Variants in IDE observed in about 807,000 individuals in gnomAD.
The protein encoded by IDE is insulin degrading enzyme, also known as insulin-degrading enzyme.
A neutral mutation model predicts 133.2 loss-of-function variants in IDE; 58 were observed. That is an observed-to-expected ratio of 0.44 (90% CI 0.35 to 0.54). IDE has a LOEUF of 0.54. Ranked by LOEUF, IDE falls within the 20% of genes least tolerant of loss-of-function variation. The pLI is 0.00. For missense variants in IDE, 981 were observed against 1,234.0 expected (o/e 0.79, Z 3.07); for synonymous variants, 396 against 421.3 (o/e 0.94, Z 0.73).
At chr10:92,572,461 C>T (rs1179244989) in intron 1 of IDE, among the ~76,000 whole-genome samples, 1 of 152,156 alleles carries the variant, frequency 6.6e-6, no homozygotes, top group East Asian at 1.9e-4. Flanking sequence ...TGCTACCATC[C>T]TAATACAGGC....
At chr10:92,571,297 G>A (rs754747373) in intron 1 of IDE, among the ~76,000 whole-genome samples, 1 of 152,190 alleles carries the variant, frequency 6.6e-6, no homozygotes, top group Non-Finnish European at 1.5e-5. Context: ...TTACAGGCAT[G>A]AGCCACCCCA....
At chr10:92,564,706 A>AAAAAAAAAAC (rs1843443390) in intron 1 of IDE, among the ~76,000 whole-genome samples, 1 of 129,492 alleles carries the variant, frequency 7.7e-6, no homozygotes, top group Non-Finnish European at 1.7e-5. Flanking sequence ...AAAAAAAAAA[A>AAAAAAAAAAC]AAAACTGAAA....
At chr10:92,535,095 T>C (rs1841928115) in intron 2 of IDE, among the ~76,000 whole-genome samples, 1 of 152,106 alleles carries the variant, frequency 6.6e-6, no homozygotes, top group African/African-American at 2.4e-5. Context: ...TAAAATTTTC[T>C]TTTTATTTAT....
chr10:92,473,226 G>A (rs185032166), intron 17 of IDE, among the ~76,000 whole-genome samples: 125 of 151,974 alleles, frequency 8.2e-4, no homozygotes, highest in Admixed American at 1.6e-3. Flanking sequence ...CACGGCACCC[G>A]GCCCAAAATT....
chr10:92,562,752 A>C (rs1254160085), intron 1 of IDE, among the ~76,000 whole-genome samples: 1 of 152,248 alleles, frequency 6.6e-6, no homozygotes, highest in African/African-American at 2.4e-5. Flanking sequence ...TCACCAACTC[A>C]AGAAAGAAAA....
intron 11 of IDE, among the ~76,000 whole-genome samples, chr10:92,491,674 G>A (rs1383874000): frequency 1.1e-4 from 16 of 150,454 alleles, no homozygotes; most frequent in African/African-American, 3.7e-4. Context: ...GCAATGGTGC[G>A]ATCTTGGCTC....
intron 1 of IDE, among the ~76,000 whole-genome samples, chr10:92,561,710 GGA>G (rs1387185717): frequency 6.6e-6 from 1 of 151,332 alleles, no homozygotes; most frequent in African/African-American, 2.4e-5. Flanking sequence ...TGCAGTGAGC[GGA>G]GATCGCGCCA....
rs755813715 is a variant in IDE at position 92,470,329 on chromosome 10, G to A, written c.2133C>T (p.Arg711=). The A allele has an allele frequency of 1.2e-6, 2 of 1,603,422 alleles. No individual in the cohort carries two copies. Among genetic ancestry groups the A allele is most frequent in the South Asian group, 1.1e-5 (1 of 89,226 alleles). The change falls in exon 18 of 25, where the codon CGC becomes CGT. Residue 711 remains arginine (R), a synonymous_variant. Coordinates refer to ENST00000265986, the MANE Select transcript of IDE (RefSeq NM_004969.4). ...GGAGCTGAGGTATGAAGGCCTTAAG[G>A]CGAGGAAGGGTTACATCTGCAAAGG... ...KEALDDVTLP[R]LKAFIPQLLS...
At chr10:92,470,475 C>G (rs1589377367) in intron 17 of IDE, 130 bp from the exon 18 acceptor site, 1 of 465,904 alleles carries the variant, frequency 2.1e-6, no homozygotes, top group Non-Finnish European at 3.9e-6. Flanking sequence ...CTAGTTTTCC[C>G]TAATGTTAAC....
intron 1 of IDE, among the ~76,000 whole-genome samples, chr10:92,550,805 G>A (rs957994621): frequency 2.0e-5 from 3 of 152,200 alleles, no homozygotes; most frequent in Non-Finnish European, 4.4e-5. Flanking sequence ...GGAAGGCAGA[G>A]CTTGCAGTGA....
chr10:92,474,980 G>A lies in IDE; in HGVS notation c.1996-19C>T, dbSNP rs56035419. 5.2e-3 allele frequency: 8,157 copies of A among 1,574,068 alleles called. 361 individuals are homozygous for A. In the African/African-American group the frequency reaches 0.092, roughly 18 times the overall value. On this transcript the variant is annotated intron_variant, in intron 16 of 24. Transcript: ENST00000265986. The stretch of plus-strand genomic sequence containing the variant: ...GCATATACTAGTGAAAGAGACATGC[G>A]TTCATTAATTTTATAAATCTTTTAA...
At chr10:92,545,931 G>T (rs1039580464) in intron 1 of IDE, among the ~76,000 whole-genome samples, 8 of 152,068 alleles carry the variant, frequency 5.3e-5, no homozygotes, top group Non-Finnish European at 1.0e-4. Flanking sequence ...GCTAGTAACA[G>T]ATAAATAACC....
At chr10:92,481,418 A>C (rs754877965) in intron 14 of IDE, among the ~76,000 whole-genome samples, 1 of 152,046 alleles carries the variant, frequency 6.6e-6, no homozygotes, top group Non-Finnish European at 1.5e-5. Flanking sequence ...ACAGAGGAAG[A>C]CTCTGTCTCC....
chr10:92,541,673 A>T (rs557028145), intron 1 of IDE, among the ~76,000 whole-genome samples: 1 of 152,338 alleles, frequency 6.6e-6, no homozygotes, highest in East Asian at 1.9e-4. Flanking sequence ...ATATTTAGTA[A>T]TTACAACATA....
chr10:92,495,327 T>C (rs2135483812), intron 11 of IDE, among the ~76,000 whole-genome samples: 1 of 151,816 alleles, frequency 6.6e-6, no homozygotes, highest in Non-Finnish European at 1.5e-5. Flanking sequence ...TTCAAGCGAT[T>C]CTCCTGCCTC....
At chr10:92,490,622 A>C in intron 11 of IDE, 27 bp from the exon 12 acceptor site, 1 of 1,295,214 alleles carries the variant, frequency 7.7e-7, no homozygotes, top group Non-Finnish European at 1.1e-6. Flanking sequence ...CAAACAAAAA[A>C]ACCCTGTAAA....
chr10:92,510,983 T>C (rs1848594092), intron 5 of IDE, among the ~76,000 whole-genome samples: 1 of 149,864 alleles, frequency 6.7e-6, no homozygotes, highest in Non-Finnish European at 1.5e-5. Context: ...AGTCATAGGA[T>C]GGAATAAAGA....
At chr10:92,530,981 T>C (rs191430821) in intron 4 of IDE, among the ~76,000 whole-genome samples, 1 of 152,272 alleles carries the variant, frequency 6.6e-6, no homozygotes, top group East Asian at 1.9e-4. Context: ...CATTAAATAA[T>C]ATATTATCAT....
At chr10:92,573,534 G>A (rs548685855) in intron 1 of IDE, among the ~76,000 whole-genome samples, 2 of 152,350 alleles carry the variant, frequency 1.3e-5, no homozygotes, top group South Asian at 4.1e-4. Context: ...CACGGCTCGA[G>A]TCCGCCTCAG....
Sources: gnomAD v4.1 joint callset for allele counts (sites outside exome capture counted in the v4.1 genomes callset) on GRCh38, gnomAD v4.1.1 for gene constraint, MANE v1.5 for transcripts, NCBI Gene and HGNC (gene_info 2026-07-23, HGNC 2026-07-21) for gene names.